Variants in ETF1 observed in about 807,000 individuals in gnomAD.
ETF1 encodes the protein eukaryotic peptide chain release factor subunit 1.
Under a neutral mutation model 55.1 loss-of-function variants are expected in ETF1, and 4 were observed. The ratio of observed to expected loss-of-function variants is 0.07; its 90% CI spans 0.04 to 0.17. The LOEUF is 0.17. Ranked by LOEUF, ETF1 falls within the 10% of genes least tolerant of loss-of-function variation. The probability of loss-of-function intolerance (pLI) is 1.00; values close to 1 mark genes in which losing one functional copy is unlikely to be tolerated. For missense variants in ETF1, 142 were observed against 523.6 expected, an observed-to-expected ratio of 0.27 and a Z score of 7.11; for synonymous variants, 157 against 182.3, an observed-to-expected ratio of 0.86 and a Z score of 1.12.
chr5:138,529,486 T>C (rs888785312), intron 2 of ETF1: 2 of 472,666 alleles, frequency 4.2e-6, no homozygotes, highest in South Asian at 8.8e-5. Context: ...AAAGAACTAG[T>C]GAATCATGGG....
chr5:138,542,756 C>A, intron 2 of ETF1, 77 bp downstream of exon 2: 2 of 1,573,440 alleles, frequency 1.3e-6, no homozygotes, highest in Non-Finnish European at 8.6e-7. Context: ...CCTCATCCGG[C>A]CATGCGGCGC....
chr5:138,528,455 T>A (rs1323909282), intron 2 of ETF1, among the ~76,000 whole-genome samples: 1 of 152,224 alleles, frequency 6.6e-6, no homozygotes, highest in African/African-American at 2.4e-5. Context: ...ACATTCCATA[T>A]CCATGTAACA....
chr5:138,527,543 A>C (rs964775093), intron 2 of ETF1, among the ~76,000 whole-genome samples: 1 of 152,238 alleles, frequency 6.6e-6, no homozygotes, highest in Admixed American at 6.5e-5. Flanking sequence ...AATGGAGAGA[A>C]AAGATACTTG....
intron 2 of ETF1, among the ~76,000 whole-genome samples, chr5:138,531,864 G>A (rs1195687193): frequency 6.6e-6 from 1 of 152,150 alleles, no homozygotes; most frequent in Non-Finnish European, 1.5e-5. Flanking sequence ...GGCTAACAGG[G>A]TGAAACCCCA....
intron 2 of ETF1, chr5:138,529,844 C>G (rs1011480328): frequency 6.0e-6 from 2 of 330,644 alleles, no homozygotes; most frequent in Non-Finnish European, 8.6e-6. Context: ...CCTGGAAACT[C>G]CTGGGTTCAA....
At chr5:138,532,362 A>G (rs1186271894) in intron 2 of ETF1, among the ~76,000 whole-genome samples, 1 of 152,210 alleles carries the variant, frequency 6.6e-6, no homozygotes, top group Non-Finnish European at 1.5e-5. Context: ...GTGTGACCGA[A>G]GGCAAACCAC....
At position 138,506,183 on chromosome 5, in the gene ETF1, T is replaced by C. The variant is rs1370574368; in HGVS notation, c.*2122A>G. The C allele has an allele frequency of 6.6e-6, 1 of 152,646 alleles. No individual in the cohort carries two copies. 9.5% of individuals were successfully genotyped at this position (152,646 alleles called of 1,614,324 possible). A position where few individuals can be genotyped will look rare whatever the true frequency, so the allele number is the denominator to read the frequency against. ...GCTTAGTATCTCTCTGCAGAGGCTA[T>C]AGAGAATGCAAAGGCTACGGTTTTC... On this transcript the variant is annotated 3_prime_UTR_variant, in exon 11 of 11. Coordinates refer to ENST00000360541, the MANE Select transcript of ETF1 (RefSeq NM_004730.4).
At chr5:138,515,008 G>A (rs1764959648) in intron 4 of ETF1, among the ~76,000 whole-genome samples, 1 of 152,176 alleles carries the variant, frequency 6.6e-6, no homozygotes, top group Non-Finnish European at 1.5e-5. Flanking sequence ...TTACATAGGT[G>A]TGAGCCACAA....
At chr5:138,523,854 T>G (rs1306042327) in intron 2 of ETF1, among the ~76,000 whole-genome samples, 1 of 151,826 alleles carries the variant, frequency 6.6e-6, no homozygotes, top group Non-Finnish European at 1.5e-5. Flanking sequence ...TGCTTGCGCC[T>G]AGGAGTTTTG....
intron 2 of ETF1, among the ~76,000 whole-genome samples, chr5:138,534,201 C>T (rs545678481): frequency 6.6e-6 from 1 of 152,290 alleles, no homozygotes; most frequent in African/African-American, 2.4e-5. Context: ...TTCATTTTAG[C>T]TTTCTGTCCC....
At chr5:138,519,027 C>T (rs1227569604) in intron 2 of ETF1, 160 bp from the exon 3 acceptor site, 26 of 982,070 alleles carry the variant, frequency 2.6e-5, no homozygotes, top group Non-Finnish European at 3.1e-5. Flanking sequence ...TGTTTATGAA[C>T]GTATACACAG....
At chr5:138,517,302 C>T (rs1765060090) in intron 4 of ETF1, among the ~76,000 whole-genome samples, 1 of 151,138 alleles carries the variant, frequency 6.6e-6, no homozygotes, top group Non-Finnish European at 1.5e-5. Context: ...ATCTGGGAGG[C>T]GGAGCTTGCA....
rs552586311 is a variant in ETF1, at chr5:138,521,858, C to T, written c.87-2991G>A. 5.9e-5 allele frequency among the ~76,000 whole-genome samples: 9 copies of T among 152,272 alleles called. No individual in the cohort carries two copies. In the South Asian group the frequency reaches 1.7e-3, roughly 28 times the overall value. On this transcript the variant is annotated intron_variant, in intron 2 of 10. Coordinates refer to ENST00000360541, the MANE Select transcript of ETF1 (RefSeq NM_004730.4). The stretch of plus-strand genomic sequence containing the variant: ...AAGTTAAAATTTTTTAGAGCATGCA[C>T]TTCCCCAAAACAGTAGTTCAGTTCT...
intron 2 of ETF1, among the ~76,000 whole-genome samples, chr5:138,525,282 C>T (rs1580702399): frequency 6.6e-6 from 1 of 152,112 alleles, no homozygotes; most frequent in East Asian, 1.9e-4. Context: ...CTCAGCCTCC[C>T]AAGTAGCTGG....
At chr5:138,524,944 A>C (rs1187815500) in intron 2 of ETF1, among the ~76,000 whole-genome samples, 1 of 151,236 alleles carries the variant, frequency 6.6e-6, no homozygotes, top group African/African-American at 2.4e-5. Context: ...TTTGGAAGTT[A>C]ATTTTATTAT....
chr5:138,516,709 G>T (rs896557615), intron 4 of ETF1, among the ~76,000 whole-genome samples: 1 of 152,192 alleles, frequency 6.6e-6, no homozygotes, highest in Non-Finnish European at 1.5e-5. Context: ...AGACAGCTTT[G>T]TAAAATGGTA....
intron 4 of ETF1, chr5:138,514,060 A>G (rs1167072890): frequency 1.2e-5 from 3 of 255,786 alleles, no homozygotes; most frequent in African/African-American, 2.3e-5. Flanking sequence ...TTTGAAACAC[A>G]CTACAACAGG....
chr5:138,525,521 T>C (rs1765432550), intron 2 of ETF1, among the ~76,000 whole-genome samples: 1 of 152,104 alleles, frequency 6.6e-6, no homozygotes, highest in Non-Finnish European at 1.5e-5. Flanking sequence ...TATAGGAAAC[T>C]AGAAATCCCA....
intron 2 of ETF1, among the ~76,000 whole-genome samples, chr5:138,537,438 GA>G: frequency 1.3e-5 from 2 of 152,146 alleles, no homozygotes; most frequent in Non-Finnish European, 2.9e-5. Flanking sequence ...CCTAATCCAA[GA>G]TTAATGTCCA....
Sources: gnomAD v4.1 joint callset for allele counts (sites outside exome capture counted in the v4.1 genomes callset) on GRCh38, gnomAD v4.1.1 for gene constraint, MANE v1.5 for transcripts, NCBI Gene and HGNC (gene_info 2026-07-23, HGNC 2026-07-21) for gene names.